Variants in CPM observed in about 807,000 individuals in gnomAD.
The protein encoded by CPM is renal carboxypeptidase.
Under a neutral mutation model 46.4 loss-of-function variants are expected in CPM, and 35 were observed. The observed-to-expected ratio is 0.75, with a 90% CI of 0.58 to 1.00. The LOEUF (loss-of-function observed/expected upper bound fraction) is 1.00, where lower values mean the gene tolerates loss of function less well. Ranked by LOEUF, CPM falls within the 50% of genes least tolerant of loss-of-function variation. CPM has a pLI of 0.00. For missense variants in CPM, 422 were observed against 530.4 expected (o/e 0.80, Z 2.01); for synonymous variants, 195 against 195.3 (o/e 1.00, Z 0.01).
intron 2 of CPM, among the ~76,000 whole-genome samples, chr12:68,906,763 G>A (rs985738643): frequency 6.6e-6 from 1 of 152,184 alleles, no homozygotes; most frequent in African/African-American, 2.4e-5. Flanking sequence ...GATTACAGGC[G>A]CCACTGTGGA....
chr12:68,856,221 T>A lies in CPM; in HGVS notation c.*216A>T. The A allele has an allele frequency of 1.8e-6, 1 of 559,846 alleles. No individual in the cohort carries two copies. The highest frequency in any genetic ancestry group is 3.1e-6 in the Non-Finnish European group (1 of 318,860). 34.7% of individuals were successfully genotyped at this position (559,846 alleles called of 1,614,324 possible). ...GTGTAAATGAGCAGTACTTGTTAGG[T>A]AAGTGTCTTCCATTCACCGTCAAGA... On this transcript the variant is annotated 3_prime_UTR_variant, in exon 9 of 9. Coordinates refer to ENST00000551568, the MANE Select transcript of CPM (RefSeq NM_198320.5).
chr12:68,946,115 C>T (rs1458585344), intron 1 of CPM, among the ~76,000 whole-genome samples: 2 of 152,068 alleles, frequency 1.3e-5, no homozygotes, highest in Non-Finnish European at 2.9e-5. Context: ...CTGCCTCGGC[C>T]TCTCAAAATG....
chr12:68,940,967 A>G (rs890868877), intron 1 of CPM, among the ~76,000 whole-genome samples: 2 of 152,146 alleles, frequency 1.3e-5, no homozygotes, highest in Admixed American at 6.6e-5. Context: ...CTGAAACTCT[A>G]TACCCACTGA....
intron 2 of CPM, among the ~76,000 whole-genome samples, chr12:68,930,641 A>G (rs984873962): frequency 7.2e-5 from 11 of 152,332 alleles, no homozygotes; most frequent in Admixed American, 6.5e-4. Flanking sequence ...TTTAACCACT[A>G]GTGTCAGATT....
upstream of CPM, among the ~76,000 whole-genome samples, chr12:68,934,709 G>A (rs1357751289): frequency 1.3e-5 from 2 of 152,060 alleles, no homozygotes; most frequent in Non-Finnish European, 2.9e-5. Flanking sequence ...GCCAATTCTT[G>A]CTCTGACACT....
intron 5 of CPM, chr12:68,844,008 C>T (rs550078504): frequency 1.2e-4 from 24 of 206,970 alleles, no homozygotes; most frequent in African/African-American, 3.2e-4. Flanking sequence ...TGAGGAGTAT[C>T]GGTAGCATAA....
At chr12:68,870,137 T>A in intron 5 of CPM, 78 bp downstream of exon 5, 1 of 1,400,646 alleles carries the variant, frequency 7.1e-7, no homozygotes, top group Non-Finnish European at 9.8e-7. Flanking sequence ...AAGGGAGAGC[T>A]GATCCCCATC....
At chr12:68,944,690 A>G (rs1006789887) in intron 1 of CPM, among the ~76,000 whole-genome samples, 1 of 150,482 alleles carries the variant, frequency 6.6e-6, no homozygotes, top group African/African-American at 2.4e-5. Flanking sequence ...ATGAGACACC[A>G]TGCCTGGCTC....
chr12:68,909,770 G>A (rs1333291458), intron 2 of CPM, among the ~76,000 whole-genome samples: 3 of 141,034 alleles, frequency 2.1e-5, no homozygotes, highest in Admixed American at 7.4e-5. Context: ...TCACTCATAA[G>A]TAGGAGTTGA....
At chr12:68,890,218 C>G (rs1468163271) in intron 2 of CPM, among the ~76,000 whole-genome samples, 1 of 152,094 alleles carries the variant, frequency 6.6e-6, no homozygotes, top group African/African-American at 2.4e-5. Flanking sequence ...GCCTGGGACA[C>G]AGCAAGACCT....
Position 68,962,859 on chromosome 12 carries a change from A to G in CPM, c.-4+310T>C, listed in dbSNP as rs115672036. Among the ~76,000 whole-genome samples, 386 of 152,344 alleles carry G rather than the reference A, an allele frequency of 2.5e-3. 2 individuals carry two copies. The highest frequency in any genetic ancestry group is 8.9e-3 in the African/African-American group (369 of 41,560). ...CTATTGATAATAACTCTTTCAACCA[A>G]TTGCAAATCAGAAAATCTTTAAATC... On this transcript the variant is annotated intron_variant, in intron 1 of 8. Coordinates refer to the CPM transcript ENST00000546373.
At chr12:68,882,446 G>A (rs969213449) in intron 3 of CPM, among the ~76,000 whole-genome samples, 2 of 152,100 alleles carry the variant, frequency 1.3e-5, no homozygotes, top group African/African-American at 4.8e-5. Flanking sequence ...TATGTACCAT[G>A]TTTTCTTTAC....
Position 68,875,249 on chromosome 12 carries a change from G to C in CPM, c.259-3293C>G, listed in dbSNP as rs1167668525. On this transcript the variant is annotated intron_variant, in intron 3 of 8. Coordinates refer to ENST00000551568, the MANE Select transcript of CPM (RefSeq NM_198320.5). ...ACCTGTAGTCCCAGCTACTCGGGAG[G>C]CTGAGGCAGGAGAATCGCTTGAACC... 3.3e-5 allele frequency among the ~76,000 whole-genome samples: 5 copies of C among 152,100 alleles called. No individual in the cohort carries two copies. The East Asian group carries it at 9.7e-4, about 30-fold the overall frequency.
chr12:68,887,980 T>C (rs1408833403), intron 2 of CPM, among the ~76,000 whole-genome samples: 7 of 152,208 alleles, frequency 4.6e-5, no homozygotes, highest in Non-Finnish European at 7.3e-5. Flanking sequence ...TCCCCAACCC[T>C]GTCAATTCTT....
At chr12:68,949,872 T>C (rs1347083668) in intron 1 of CPM, among the ~76,000 whole-genome samples, 1 of 152,174 alleles carries the variant, frequency 6.6e-6, no homozygotes, top group Non-Finnish European at 1.5e-5. Context: ...GCATTCACTG[T>C]GTTTGCTCCA....
At chr12:68,893,110 C>T (rs1040591425) in intron 2 of CPM, among the ~76,000 whole-genome samples, 3 of 144,450 alleles carry the variant, frequency 2.1e-5, no homozygotes, top group Admixed American at 7.2e-5. Context: ...GCTCTGCACA[C>T]GTATCCCAGA....
At chr12:68,874,273 A>T (rs762760176) in intron 3 of CPM, among the ~76,000 whole-genome samples, 1 of 152,116 alleles carries the variant, frequency 6.6e-6, no homozygotes, top group Non-Finnish European at 1.5e-5. Context: ...GACCTCCCCT[A>T]AAGCCAGTGG....
At chr12:68,938,802 G>A (rs1013948391) in intron 1 of CPM, among the ~76,000 whole-genome samples, 2 of 150,946 alleles carry the variant, frequency 1.3e-5, no homozygotes, top group Admixed American at 1.3e-4. Flanking sequence ...GAAAATATGT[G>A]TGTATACACA....
At chr12:68,849,482 T>C (rs1163488367), downstream of CPM, 1 of 151,826 alleles carries the variant, frequency 6.6e-6, no homozygotes, top group Non-Finnish European at 1.5e-5. Flanking sequence ...CTATCTCAGC[T>C]CACTGCAAAC....
Sources: allele counts gnomAD v4.1 joint callset (sites outside exome capture counted in the v4.1 genomes callset), GRCh38; gene constraint gnomAD v4.1.1; transcripts MANE v1.5; gene names NCBI Gene and HGNC (gene_info 2026-07-23, HGNC 2026-07-21).